The following ESYT2 variants were observed in gnomAD, a reference collection of about 807,000 sequenced individuals.
The protein encoded by ESYT2 is extended synaptotagmin-2.
A neutral mutation model predicts 107.2 loss-of-function variants in ESYT2; 54 were observed. That is an observed-to-expected ratio of 0.50 (90% CI 0.40 to 0.63). The LOEUF (loss-of-function observed/expected upper bound fraction) is 0.63. Among genes scored for constraint, ESYT2 ranks in the 30% least tolerant of loss-of-function variants. The pLI, the probability that ESYT2 is intolerant of heterozygous loss-of-function variation, is 0.00. For missense variants in ESYT2, 1,020 were observed against 1,094.5 expected (o/e 0.93, Z 0.96); for synonymous variants, 491 against 434.1 (o/e 1.13, Z -1.63).
At chr7:158,748,595 C>T (rs1317793059) in intron 15 of ESYT2, among the ~76,000 whole-genome samples, 3 of 152,182 alleles carry the variant, frequency 2.0e-5, no homozygotes, top group Non-Finnish European at 4.4e-5. Context: ...ATGACTTTTG[C>T]ACCAACGTAA....
intron 17 of ESYT2, 137 bp from the exon 18 acceptor site, chr7:158,742,033 GT>G: frequency 2.1e-6 from 2 of 962,448 alleles, no homozygotes; most frequent in South Asian, 1.8e-5. Context: ...TTAAAGGAAA[GT>G]TTAGGTAACC....
chr7:158,736,841 T>G (rs1172496949), intron 20 of ESYT2, among the ~76,000 whole-genome samples: 1 of 152,244 alleles, frequency 6.6e-6, no homozygotes, highest in Non-Finnish European at 1.5e-5. Flanking sequence ...CACAGGGTTG[T>G]AACTTGAATT....
intron 6 of ESYT2, among the ~76,000 whole-genome samples, chr7:158,775,320 C>T (rs1209056007): frequency 6.6e-6 from 1 of 152,150 alleles, no homozygotes; most frequent in Non-Finnish European, 1.5e-5. Flanking sequence ...TAGGGTAAGA[C>T]AACAGTGAAG....
intron 4 of ESYT2, among the ~76,000 whole-genome samples, chr7:158,790,299 T>C (rs1190711420): frequency 6.6e-6 from 1 of 152,182 alleles, no homozygotes; most frequent in Non-Finnish European, 1.5e-5. Context: ...AAAATGATCC[T>C]TAGTAAAGGA....
chr7:158,826,034 A>C (rs562604404), intron 1 of ESYT2, among the ~76,000 whole-genome samples: 119 of 150,444 alleles, frequency 7.9e-4, no homozygotes, highest in Non-Finnish European at 1.3e-3. Flanking sequence ...AAAAAAAAAA[A>C]CAAAAACAAA....
At chr7:158,788,269 C>T in intron 5 of ESYT2, 76 bp downstream of exon 5, 1 of 1,424,766 alleles carries the variant, frequency 7.0e-7, no homozygotes, top group South Asian at 1.3e-5. Flanking sequence ...AAAAAAACTT[C>T]CTAATTTTAT....
Position 158,736,932 on chromosome 7 carries a change from T to C in ESYT2, c.2399+116A>G, listed in dbSNP as rs571057496. 2.6e-5 allele frequency: 36 copies of C among 1,404,214 alleles called. 1 individual carries two copies. The South Asian group carries it at 3.4e-4, about 13-fold the overall frequency. 87.0% of individuals were successfully genotyped at this position (1,404,214 alleles called of 1,614,324 possible). ...ATGTTTGCTAAAAGTTGGTTTCTGA[T>C]TGAACTTCTCAACAGCTGATTTATG... is the stretch of plus-strand genomic sequence containing the variant. On this transcript the variant is annotated intron_variant, in intron 20 of 22. Transcript: ENST00000275418.
intron 6 of ESYT2, among the ~76,000 whole-genome samples, chr7:158,782,110 G>C (rs571678036): frequency 1.4e-5 from 2 of 147,134 alleles, no homozygotes; most frequent in African/African-American, 2.5e-5. Context: ...ACAACAAAGT[G>C]TGAGGTGTGA....
intron 2 of ESYT2, 99 bp downstream of exon 2, chr7:158,798,932 G>T: frequency 2.4e-6 from 3 of 1,228,226 alleles, no homozygotes; most frequent in Non-Finnish European, 3.5e-6. Flanking sequence ...GTCCAAACGA[G>T]CTCAAATATT....
intron 2 of ESYT2, 101 bp from the exon 3 acceptor site, chr7:158,798,177 G>T: frequency 8.1e-7 from 1 of 1,236,014 alleles, no homozygotes; most frequent in Non-Finnish European, 1.1e-6. Context: ...ACCTGGTTTT[G>T]AAAATAAAGG....
intron 4 of ESYT2, 35 bp downstream of exon 4, chr7:158,793,615 T>TAACC: frequency 6.7e-7 from 1 of 1,494,702 alleles, no homozygotes; most frequent in South Asian, 1.1e-5. Context: ...TACACGCCAT[T>TAACC]AACCATAACA....
chr7:158,813,438 C>T (rs563459928), intron 1 of ESYT2, among the ~76,000 whole-genome samples: 2 of 152,154 alleles, frequency 1.3e-5, no homozygotes, highest in South Asian at 2.1e-4. Context: ...CATATCAACT[C>T]GGGCTCATTA....
chr7:158,754,066 G>A (rs2129471859), intron 13 of ESYT2, among the ~76,000 whole-genome samples: 1 of 152,298 alleles, frequency 6.6e-6, no homozygotes, highest in South Asian at 2.1e-4. Context: ...TGGCTCTGGG[G>A]ATGAGACAGA....
chr7:158,780,921 CGTGT>C (rs1199729892), intron 6 of ESYT2, among the ~76,000 whole-genome samples: 4 of 152,112 alleles, frequency 2.6e-5, no homozygotes, highest in African/African-American at 9.7e-5. Context: ...AAAGGAAACA[CGTGT>C]GTATGAGTGA....
chr7:158,804,711 C>T (rs1387674603), intron 1 of ESYT2, among the ~76,000 whole-genome samples: 4 of 151,016 alleles, frequency 2.6e-5, no homozygotes, highest in African/African-American at 9.8e-5. Context: ...CGTGACAAAC[C>T]CGAACTGCTG....
At chr7:158,818,582 G>A (rs1840207907) in intron 1 of ESYT2, among the ~76,000 whole-genome samples, 1 of 152,216 alleles carries the variant, frequency 6.6e-6, no homozygotes, top group Non-Finnish European at 1.5e-5. Flanking sequence ...GCGGAGCACT[G>A]GTCACAGCTG....
chr7:158,750,282 T>G (rs754180489), intron 14 of ESYT2, among the ~76,000 whole-genome samples: 1 of 152,050 alleles, frequency 6.6e-6, no homozygotes, highest in South Asian at 2.1e-4. Flanking sequence ...TTTAGAATCA[T>G]ATTAAATTAA....
Position 158,771,548 on chromosome 7 carries a change from C to T in ESYT2, c.803+1793G>A, listed in dbSNP as rs112076336. Reference sequence around the variant, plus strand: ...ACCTAGCGGGAAAGGCGACTAAGTCCGCAGACTAAATGCTTGTAGCTGCAG... The same window carrying T: ...ACCTAGCGGGAAAGGCGACTAAGTCTGCAGACTAAATGCTTGTAGCTGCAG... On this transcript the variant is annotated intron_variant, in intron 7 of 22. Transcript: ENST00000275418. Among the ~76,000 whole-genome samples, 28 of 152,306 alleles carry T rather than the reference C, an allele frequency of 1.8e-4. 3 individuals carry two copies. Among genetic ancestry groups the T allele is most frequent in the African/African-American group, 6.3e-4 (26 of 41,562 alleles).
intron 6 of ESYT2, among the ~76,000 whole-genome samples, chr7:158,786,134 A>G (rs1839107694): frequency 6.7e-6 from 1 of 148,960 alleles, no homozygotes; most frequent in East Asian, 2.4e-4. Flanking sequence ...TTTTCTGAGC[A>G]CTAAATTTCA....
Sources: gnomAD v4.1 joint callset for allele counts (sites outside exome capture counted in the v4.1 genomes callset) on GRCh38, gnomAD v4.1.1 for gene constraint, MANE v1.5 for transcripts, NCBI Gene and HGNC (gene_info 2026-07-23, HGNC 2026-07-21) for gene names.